PPARG: variants seen among roughly 807,000 people sequenced by gnomAD.
PPARG encodes peroxisome proliferator-activated receptor gamma.
A neutral mutation model predicts 39.2 loss-of-function variants in PPARG; 17 were observed. The ratio of observed to expected loss-of-function variants is 0.43; its 90% CI spans 0.30 to 0.65. The LOEUF (loss-of-function observed/expected upper bound fraction) is 0.65. PPARG is among the 30% of genes least tolerant of loss of function. The pLI, the probability that PPARG is intolerant of heterozygous loss-of-function variation, is 0.13. For synonymous variants in PPARG, 223 were observed against 215.7 expected (o/e 1.03, Z -0.30); for missense variants, 406 against 585.9 (o/e 0.69, Z 3.17).
intron 7 of PPARG, among the ~76,000 whole-genome samples, chr3:12,425,485 T>G (rs988386715): frequency 7.2e-5 from 11 of 152,266 alleles, no homozygotes; most frequent in Non-Finnish European, 1.6e-4. Context: ...TGGTATTCCC[T>G]TATCTCTTCC....
intron 2 of PPARG, among the ~76,000 whole-genome samples, chr3:12,341,182 CAAA>C (rs11321700): frequency 7.1e-6 from 1 of 140,776 alleles, no homozygotes. Context: ...GACTCCGTCT[CAAA>C]AAAAAAAAAA....
chr3:12,353,705 G>A (rs1001900286), intron 2 of PPARG, among the ~76,000 whole-genome samples: 2 of 152,204 alleles, frequency 1.3e-5, no homozygotes, highest in African/African-American at 4.8e-5. Flanking sequence ...TATGCCCAAA[G>A]AGGACTTCCA....
chr3:12,366,520 C>A (rs2049023297), intron 2 of PPARG, among the ~76,000 whole-genome samples: 1 of 151,996 alleles, frequency 6.6e-6, no homozygotes, highest in Admixed American at 6.6e-5. Flanking sequence ...TGCCTTATTC[C>A]TAATCTTAGT....
intron 1 of PPARG, among the ~76,000 whole-genome samples, chr3:12,300,896 A>G (rs770699279): frequency 3.9e-5 from 6 of 152,206 alleles, no homozygotes; most frequent in South Asian, 2.1e-4. Context: ...TGGGTGCACT[A>G]TATACACTTT....
chr3:12,416,709 C>G lies in PPARG; in HGVS notation c.735C>G (p.Phe245Leu), dbSNP rs4135352. The G allele has an allele frequency of 6.2e-7, 1 of 1,613,124 alleles. No individual in the cohort carries two copies. The highest frequency in any genetic ancestry group is 1.3e-5 in the African/African-American group (1 of 74,882). ...LTGKTTDKSP[F>L]VIYDMNSLMM... ...TTTCCCTGTTTTATTTGCAGCCATT[C>G]GTTATCTATGACATGAATTCCTTAA... Residue 245 changes from phenylalanine (F) to leucine (L), a missense_variant, in exon 7 of 8, where the codon TTC (phenylalanine) becomes TTG (leucine). By Grantham distance (22) the Phe-to-Leu change is conservative. Around this residue, in one of 2 missense-constraint regions of PPARG, gnomAD observed 275 missense variants for 458.0 expected, o/e 0.60. Transcript: ENST00000651735.
chr3:12,430,772 C>T (rs1001378858), intron 7 of PPARG, among the ~76,000 whole-genome samples: 2 of 152,022 alleles, frequency 1.3e-5, no homozygotes, highest in African/African-American at 4.8e-5. Flanking sequence ...GATGGAATCC[C>T]ACCACAGGCT....
intron 7 of PPARG, among the ~76,000 whole-genome samples, chr3:12,421,031 C>G (rs2051242180): frequency 6.6e-6 from 1 of 152,206 alleles, no homozygotes; most frequent in East Asian, 1.9e-4. Flanking sequence ...TCATTCCATC[C>G]TGACAGCGCT....
At chr3:12,327,902 C>T (rs13064760) in intron 2 of PPARG, 62,433 of 588,706 alleles carry the variant, frequency 0.11, 3,866 homozygotes, top group Non-Finnish European at 0.12. Context: ...TCTTTAGTAT[C>T]TACATAGCAC....
At chr3:12,334,569 C>T (rs1332318815) in intron 2 of PPARG, among the ~76,000 whole-genome samples, 1 of 152,032 alleles carries the variant, frequency 6.6e-6, no homozygotes, top group Non-Finnish European at 1.5e-5. Context: ...AGTTTACTCC[C>T]TGGTTGAATG....
intron 4 of PPARG, among the ~76,000 whole-genome samples, chr3:12,385,722 G>T (rs1390512434): frequency 6.6e-6 from 1 of 152,082 alleles, no homozygotes; most frequent in Non-Finnish European, 1.5e-5. Flanking sequence ...CCACTTGTAT[G>T]TCTATTCATC....
At chr3:12,360,313 A>T (rs2125115576) in intron 2 of PPARG, among the ~76,000 whole-genome samples, 1 of 152,158 alleles carries the variant, frequency 6.6e-6, no homozygotes, top group South Asian at 2.1e-4. Flanking sequence ...GGCTGGCCTT[A>T]ATACTGTTTT....
intron 2 of PPARG, among the ~76,000 whole-genome samples, chr3:12,344,439 A>T (rs1409307875): frequency 6.6e-6 from 1 of 152,134 alleles, no homozygotes; most frequent in Admixed American, 6.5e-5. Context: ...GGACTGATGA[A>T]TCTTACCGGA....
At chr3:12,351,788 C>T in intron 2 of PPARG, 1 of 810,456 alleles carries the variant, frequency 1.2e-6, no homozygotes, top group Non-Finnish European at 2.2e-6. Context: ...ATCATGTGTA[C>T]ACTCCAGTAT....
intron 7 of PPARG, among the ~76,000 whole-genome samples, chr3:12,427,439 C>G (rs935374859): frequency 6.6e-6 from 1 of 152,200 alleles, no homozygotes; most frequent in Non-Finnish European, 1.5e-5. Flanking sequence ...CAAAAACCTT[C>G]AATTTCATAA....
chr3:12,354,709 G>A (rs2048601674), intron 2 of PPARG, among the ~76,000 whole-genome samples: 1 of 146,522 alleles, frequency 6.8e-6, no homozygotes, highest in South Asian at 2.1e-4. Context: ...GGCTGAGATT[G>A]CGCCACTGCA....
intron 6 of PPARG, among the ~76,000 whole-genome samples, chr3:12,409,700 A>G (rs1172777075): frequency 6.6e-6 from 1 of 152,206 alleles, no homozygotes; most frequent in East Asian, 1.9e-4. Flanking sequence ...TGGTTAGGCC[A>G]AGGCTGGGGG....
At chr3:12,389,884 G>A (rs540794964) in intron 4 of PPARG, among the ~76,000 whole-genome samples, 25 of 152,250 alleles carry the variant, frequency 1.6e-4, no homozygotes, top group Non-Finnish European at 3.2e-4. Context: ...GCAAGAGAGC[G>A]AGACTCTGTC....
intron 2 of PPARG, among the ~76,000 whole-genome samples, chr3:12,363,236 G>A (rs767919182): frequency 1.3e-4 from 20 of 152,174 alleles, no homozygotes; most frequent in Non-Finnish European, 2.8e-4. Flanking sequence ...ATTTTTTATA[G>A]TGCTCAGGAG....
At chr3:12,341,764 G>A (rs181016598) in intron 2 of PPARG, among the ~76,000 whole-genome samples, 19 of 151,958 alleles carry the variant, frequency 1.3e-4, no homozygotes, top group South Asian at 4.2e-4. Context: ...AGCTATGATC[G>A]CGCTGCTGCA....
Sources: gnomAD v4.1 joint callset for allele counts (sites outside exome capture counted in the v4.1 genomes callset) on GRCh38, gnomAD v4.1.1 for gene constraint, gnomAD v4.1.1 regional missense constraint, MANE v1.5 for transcripts, NCBI Gene and HGNC (gene_info 2026-07-23, HGNC 2026-07-21) for gene names.